TPD52L1: variants seen among roughly 807,000 people sequenced by gnomAD.
TPD52L1 encodes the protein TPD52 like 1.
In TPD52L1, 18 loss-of-function variants were observed where a neutral mutation model predicts 28.7. The observed-to-expected ratio is 0.63, with a 90% CI of 0.43 to 0.93. The LOEUF (loss-of-function observed/expected upper bound fraction) is 0.93, where lower values mean the gene tolerates loss of function less well. Among genes scored for constraint, TPD52L1 ranks in the 40% least tolerant of loss-of-function variants. The pLI is 0.00. For synonymous variants in TPD52L1, 75 were observed against 88.8 expected (o/e 0.84, Z 0.88); for missense variants, 203 against 254.8 (o/e 0.80, Z 1.39).
intron 2 of TPD52L1, among the ~76,000 whole-genome samples, chr6:125,223,434 TGTG>T (rs1377370429): frequency 6.6e-6 from 1 of 152,136 alleles, no homozygotes; most frequent in African/African-American, 2.4e-5. Flanking sequence ...CTTGGCCAGC[TGTG>T]GTGGCTCACG....
At chr6:125,169,329 A>G (rs117895072) in intron 1 of TPD52L1, among the ~76,000 whole-genome samples, 449 of 152,232 alleles carry the variant, frequency 2.9e-3, no homozygotes, top group Non-Finnish European at 4.4e-3. Context: ...ATGTGCTAAC[A>G]ACTCCAAAAT....
intron 1 of TPD52L1, among the ~76,000 whole-genome samples, chr6:125,217,769 G>T (rs557386981): frequency 2.0e-5 from 3 of 152,124 alleles, no homozygotes; most frequent in South Asian, 2.1e-4. Context: ...TTATTGCTTT[G>T]CTTTTCTTTA....
chr6:125,215,639 G>A (rs1207769767), intron 1 of TPD52L1, among the ~76,000 whole-genome samples: 1 of 152,174 alleles, frequency 6.6e-6, no homozygotes, highest in Non-Finnish European at 1.5e-5. Flanking sequence ...GCCCATCAGA[G>A]CTGAAGGCCA....
chr6:125,191,008 A>G (rs1010626831), intron 1 of TPD52L1, among the ~76,000 whole-genome samples: 1 of 152,332 alleles, frequency 6.6e-6, no homozygotes, highest in East Asian at 1.9e-4. Context: ...CAATGGCACC[A>G]TCTACTCTTG....
chr6:125,201,825 G>A (rs112545448), intron 1 of TPD52L1, among the ~76,000 whole-genome samples: 21 of 152,144 alleles, frequency 1.4e-4, no homozygotes, highest in East Asian at 7.7e-4. Context: ...AACATGTCAC[G>A]ACTCAGAAAC....
intron 1 of TPD52L1, among the ~76,000 whole-genome samples, chr6:125,211,394 A>G (rs1016311901): frequency 5.9e-5 from 9 of 152,182 alleles, no homozygotes; most frequent in African/African-American, 2.2e-4. Flanking sequence ...ATTGCAAGAC[A>G]TAATTGATTA....
intron 2 of TPD52L1, among the ~76,000 whole-genome samples, chr6:125,228,340 C>T (rs773320414): frequency 6.6e-6 from 1 of 152,156 alleles, no homozygotes; most frequent in Non-Finnish European, 1.5e-5. Flanking sequence ...ACAAATTATA[C>T]ATATACACTT....
chr6:125,260,999 AAAGAAAGAAAGAAAG>A (rs1562411363), intron 6 of TPD52L1: 17 of 45,666 alleles, frequency 3.7e-4, no homozygotes, highest in African/African-American at 1.1e-3. Flanking sequence ...AGAAAGAAAG[AAAGAAAGAAAGAAAG>A]AAAGAAAAGA....
chr6:125,171,598 CT>C (rs1301837557), intron 1 of TPD52L1, among the ~76,000 whole-genome samples: 9 of 152,148 alleles, frequency 5.9e-5, no homozygotes, highest in African/African-American at 2.2e-4. Flanking sequence ...AACTGGGTGT[CT>C]TTTAGGACAT....
intron 1 of TPD52L1, among the ~76,000 whole-genome samples, chr6:125,179,044 C>T (rs1367124159): frequency 1.3e-5 from 2 of 152,176 alleles, no homozygotes. Context: ...AGACTTCCCA[C>T]CCAAGTGGAA....
At chr6:125,253,473 A>T (rs1463202080) in intron 4 of TPD52L1, 3 of 511,206 alleles carry the variant, frequency 5.9e-6, no homozygotes, top group African/African-American at 5.8e-5. Context: ...TGGCAAAAGG[A>T]GGCTGCAGAA....
In TPD52L1 at chr6:125,264,328, G is replaced by T. The variant is rs985953494; in HGVS notation, c.*1366G>T. 2 of 152,148 alleles carry T rather than the reference G, an allele frequency of 1.3e-5. No individual in the cohort carries two copies. Among genetic ancestry groups the T allele is most frequent in the Admixed American group, 1.3e-4 (2 of 15,264 alleles). 9.4% of individuals were successfully genotyped at this position (152,148 alleles called of 1,614,324 possible). A position where few individuals can be genotyped will look rare whatever the true frequency, so the allele number is the denominator to read the frequency against. Reference sequence around the variant, plus strand: ...ATACATATTTGTTAGCATGCTAATTGTTCATGTTTTGTGTTTATTAAATAG... The same window carrying T: ...ATACATATTTGTTAGCATGCTAATTTTTCATGTTTTGTGTTTATTAAATAG... On this transcript the variant is annotated 3_prime_UTR_variant, in exon 7 of 7. Transcript: ENST00000534000.
At chr6:125,182,771 A>G (rs1425808900) in intron 1 of TPD52L1, among the ~76,000 whole-genome samples, 1 of 152,184 alleles carries the variant, frequency 6.6e-6, no homozygotes, top group African/African-American at 2.4e-5. Context: ...CCAAACCACA[A>G]CTGTGCAGTA....
At chr6:125,186,621 TATG>T (rs1398438223) in intron 1 of TPD52L1, among the ~76,000 whole-genome samples, 16 of 152,332 alleles carry the variant, frequency 1.1e-4, no homozygotes, top group African/African-American at 3.8e-4. Context: ...GACAAAGTGT[TATG>T]ATAACTATAA....
chr6:125,252,127 T>G, intron 4 of TPD52L1: 1 of 1,422,200 alleles, frequency 7.0e-7, no homozygotes, highest in Non-Finnish European at 9.6e-7. Flanking sequence ...ACACTGTGCC[T>G]GAACCAACAA....
chr6:125,261,042 AAGAAAGAAAAGGGG>A (rs1798023050), intron 6 of TPD52L1: 2 of 138,738 alleles, frequency 1.4e-5, no homozygotes, highest in African/African-American at 6.3e-5. Context: ...GAAAGAAAGA[AAGAAAGAAAAGGGG>A]AAGGGGAAGG....
intron 1 of TPD52L1, among the ~76,000 whole-genome samples, chr6:125,181,354 C>T (rs1792183097): frequency 6.6e-6 from 1 of 152,054 alleles, no homozygotes; most frequent in African/African-American, 2.4e-5. Context: ...CACCAAGAAA[C>T]ATTTACGCCA....
intron 1 of TPD52L1, among the ~76,000 whole-genome samples, chr6:125,187,960 A>G (rs73771265): frequency 0.036 from 5,409 of 152,110 alleles, 305 homozygotes; most frequent in African/African-American, 0.12. Context: ...CGAGGAACAC[A>G]GCATTAGCTG....
At chr6:125,186,050 C>T (rs556708200) in intron 1 of TPD52L1, among the ~76,000 whole-genome samples, 5 of 152,040 alleles carry the variant, frequency 3.3e-5, no homozygotes, top group Middle Eastern at 3.4e-3. Flanking sequence ...CGTGCCACCA[C>T]GCCCGGCTAA....
Sources: gnomAD v4.1 joint callset for allele counts (sites outside exome capture counted in the v4.1 genomes callset) on GRCh38, gnomAD v4.1.1 for gene constraint, MANE v1.5 for transcripts, NCBI Gene and HGNC (gene_info 2026-07-23, HGNC 2026-07-21) for gene names.